NRG3: variants seen among roughly 807,000 people sequenced by gnomAD.
NRG3 encodes neuregulin 3, also known as pro-neuregulin-3, membrane-bound isoform.
A neutral mutation model predicts 66.9 loss-of-function variants in NRG3; 31 were observed. The ratio of observed to expected loss-of-function variants is 0.46; its 90% CI spans 0.35 to 0.63. The LOEUF is 0.63. NRG3 is among the 20% of genes least tolerant of loss of function. NRG3 has a pLI of 0.00. For missense variants in NRG3, 910 were observed against 878.9 expected, an observed-to-expected ratio of 1.04 and a Z score of -0.45; for synonymous variants, 393 against 359.4, an observed-to-expected ratio of 1.09 and a Z score of -1.06.
chr10:82,647,640 A>G (rs1242332455), intron 2 of NRG3, among the ~76,000 whole-genome samples: 2 of 150,100 alleles, frequency 1.3e-5, no homozygotes, highest in African/African-American at 4.9e-5. Flanking sequence ...AAGTGTTCCT[A>G]TTTCTCCACA....
intron 4 of NRG3, among the ~76,000 whole-genome samples, chr10:82,897,701 G>T (rs1440544983): frequency 1.3e-5 from 2 of 152,078 alleles, no homozygotes; most frequent in African/African-American, 4.8e-5. Context: ...GTATTTTTTA[G>T]TAGAGACAGG....
intron 2 of NRG3, among the ~76,000 whole-genome samples, chr10:82,683,202 G>T (rs574523164): frequency 1.4e-3 from 219 of 151,958 alleles, no homozygotes; most frequent in Non-Finnish European, 2.7e-3. Context: ...TGATCCACCC[G>T]CCTCGGCCTC....
Position 82,358,733 on chromosome 10 carries a change from T to G in NRG3, c.824-6T>G. ...ACAGCGTTTCCCCCTGTGCTTTCCC[T>G]GACAGATACGACGACATATTCCACA... On this transcript the variant is annotated splice_polypyrimidine_tract_variant and splice_region_variant and intron_variant, in intron 1 of 8. Transcript: ENST00000372141. The G allele has an allele frequency of 6.2e-7, 1 of 1,614,090 alleles. No individual in the cohort carries two copies. The highest frequency in any genetic ancestry group is 8.5e-7 in the Non-Finnish European group (1 of 1,179,984).
chr10:82,274,142 A>T (rs556177584), intron 1 of NRG3, among the ~76,000 whole-genome samples: 62 of 152,164 alleles, frequency 4.1e-4, no homozygotes, highest in African/African-American at 1.4e-3. Context: ...TTTTAAAATT[A>T]AAAAAATCAT....
intron 2 of NRG3, among the ~76,000 whole-genome samples, chr10:82,510,546 C>A (rs551934846): frequency 1.6e-4 from 24 of 152,244 alleles, no homozygotes; most frequent in Middle Eastern, 6.8e-3. Context: ...GGATTATTTA[C>A]CCAAGTATGG....
At chr10:82,806,930 A>G (rs1402134184) in intron 3 of NRG3, among the ~76,000 whole-genome samples, 1 of 152,154 alleles carries the variant, frequency 6.6e-6, no homozygotes, top group Non-Finnish European at 1.5e-5. Flanking sequence ...TTTGAAGCAC[A>G]TCTACTCATT....
At chr10:82,201,977 C>T (rs1185542325) in intron 1 of NRG3, among the ~76,000 whole-genome samples, 1 of 151,996 alleles carries the variant, frequency 6.6e-6, no homozygotes, top group African/African-American at 2.4e-5. Flanking sequence ...TTGATATACA[C>T]CCATCAAAAT....
chr10:82,852,921 A>G (rs2063631657), intron 3 of NRG3, among the ~76,000 whole-genome samples: 1 of 152,218 alleles, frequency 6.6e-6, no homozygotes, highest in Admixed American at 6.5e-5. Context: ...TTATTAGACA[A>G]TAGTTTCCTC....
chr10:82,580,059 T>C (rs924836516), intron 2 of NRG3, among the ~76,000 whole-genome samples: 3 of 151,938 alleles, frequency 2.0e-5, no homozygotes, highest in Non-Finnish European at 4.4e-5. Context: ...CCTCATCCCA[T>C]TTATATATCT....
At chr10:82,821,927 A>T (rs1354722171) in intron 3 of NRG3, among the ~76,000 whole-genome samples, 1 of 152,088 alleles carries the variant, frequency 6.6e-6, no homozygotes, top group Non-Finnish European at 1.5e-5. Flanking sequence ...TGAATGGTAC[A>T]TTTCTCCCTC....
intron 3 of NRG3, among the ~76,000 whole-genome samples, chr10:82,794,766 G>T (rs932556173): frequency 3.3e-5 from 5 of 151,888 alleles, no homozygotes; most frequent in Admixed American, 6.6e-5. Context: ...AGAGTAAAAT[G>T]CTCTGTTACC....
At chr10:82,236,966 T>C (rs1008607925) in intron 1 of NRG3, among the ~76,000 whole-genome samples, 54 of 152,180 alleles carry the variant, frequency 3.5e-4, no homozygotes, top group African/African-American at 1.3e-3. Flanking sequence ...CCGCCCACCT[T>C]GGCCTCCCAA....
chr10:82,677,993 C>G (rs1354690834), intron 2 of NRG3, among the ~76,000 whole-genome samples: 2 of 152,186 alleles, frequency 1.3e-5, no homozygotes, highest in Non-Finnish European at 2.9e-5. Flanking sequence ...AAGTTGTACA[C>G]ATGCTCACTT....
chr10:82,777,971 C>T (rs1047322704), intron 3 of NRG3, among the ~76,000 whole-genome samples: 3 of 152,212 alleles, frequency 2.0e-5, no homozygotes, highest in African/African-American at 4.8e-5. Flanking sequence ...TTCAGGGAAG[C>T]AAGGTGCTGA....
intron 1 of NRG3, among the ~76,000 whole-genome samples, chr10:82,171,587 A>G (rs2072613860): frequency 1.3e-5 from 2 of 152,092 alleles, no homozygotes. Flanking sequence ...ATTACAGTTC[A>G]AGTTAGTGGC....
intron 3 of NRG3, among the ~76,000 whole-genome samples, chr10:82,863,870 C>T (rs769645016): frequency 5.9e-5 from 9 of 152,112 alleles, no homozygotes; most frequent in Non-Finnish European, 1.0e-4. Flanking sequence ...TTCTGAGCTA[C>T]CTGAGAACAA....
chr10:82,097,534 A>T (rs1028553110), intron 1 of NRG3, among the ~76,000 whole-genome samples: 1 of 150,820 alleles, frequency 6.6e-6, no homozygotes, highest in Non-Finnish European at 1.5e-5. Context: ...TCTGTGATAT[A>T]TATATATAGG....
At chr10:82,852,535 C>T (rs1049943845) in intron 3 of NRG3, among the ~76,000 whole-genome samples, 1 of 152,058 alleles carries the variant, frequency 6.6e-6, no homozygotes, top group African/African-American at 2.4e-5. Context: ...CTCTCTGAAA[C>T]TCAGTTTTCT....
At chr10:81,918,969 AAC>A (rs1491080506) in intron 1 of NRG3, among the ~76,000 whole-genome samples, 57 of 113,566 alleles carry the variant, frequency 5.0e-4, no homozygotes, top group African/African-American at 1.3e-3. Context: ...ATTGCATCAT[AAC>A]AAAACACACA....
Sources: gnomAD v4.1 joint callset for allele counts (sites outside exome capture counted in the v4.1 genomes callset) on GRCh38, gnomAD v4.1.1 for gene constraint, MANE v1.5 for transcripts, NCBI Gene and HGNC (gene_info 2026-07-23, HGNC 2026-07-21) for gene names.